The following GALNT17 variants were observed in gnomAD, a reference collection of about 807,000 sequenced individuals.
GALNT17 encodes the protein UDP-GalNAc:polypeptide N-acetylgalactosaminyltransferase-like 3.
A neutral mutation model predicts 63.7 loss-of-function variants in GALNT17; 29 were observed. The ratio of observed to expected loss-of-function variants is 0.46; its 90% confidence interval spans 0.34 to 0.62. The LOEUF is 0.62. Ranked by LOEUF, GALNT17 falls within the 20% of genes least tolerant of loss-of-function variation. The pLI is 0.01. For synonymous variants in GALNT17, 305 were observed against 318.3 expected (o/e 0.96, Z 0.45); for missense variants, 603 against 799.6 (o/e 0.75, Z 2.97).
chr7:71,547,389 A>G (rs932257828), intron 5 of GALNT17, among the ~76,000 whole-genome samples: 1 of 151,992 alleles, frequency 6.6e-6, no homozygotes, highest in Non-Finnish European at 1.5e-5. Context: ...TCCTGACCTC[A>G]GTGATCTGCC....
chr7:71,246,940 T>C (rs1162428416), intron 1 of GALNT17, among the ~76,000 whole-genome samples: 3 of 133,362 alleles, frequency 2.2e-5, no homozygotes, highest in Non-Finnish European at 4.8e-5. Flanking sequence ...TACAATTGAC[T>C]TTTTGGGGGG....
intron 1 of GALNT17, among the ~76,000 whole-genome samples, chr7:71,155,007 C>T (rs1289894601): frequency 6.6e-6 from 1 of 151,838 alleles, no homozygotes; most frequent in East Asian, 1.9e-4. Context: ...ACTGTGATAA[C>T]AGCCTGACTA....
chr7:71,361,956 CTTTTTATTTTTAT>C lies in GALNT17; in HGVS notation c.422+26229_422+26241del, dbSNP rs1449573440. Among the ~76,000 whole-genome samples, 24 of 152,050 alleles carry C rather than the reference CTTTTTATTTTTAT, an allele frequency of 1.6e-4. No homozygotes were observed. The South Asian group carries it at 5.0e-3, about 32-fold the overall frequency. On this transcript the variant is annotated intron_variant, in intron 2 of 10. Transcript: ENST00000333538. ...GTTCTTTTCCTGTATGAGATTTTTA[CTTTTTATTTTTAT>C]TTTTTGAGATGGAGTCTCCCTCAGT...
intron 9 of GALNT17, among the ~76,000 whole-genome samples, chr7:71,680,923 A>AG (rs756548147): frequency 7.1e-6 from 1 of 140,914 alleles, no homozygotes; most frequent in East Asian, 2.1e-4. Flanking sequence ...TTTAAGAGAT[A>AG]GGGTCTTGCT....
At chr7:71,435,199 G>A (rs757499518) in intron 5 of GALNT17, among the ~76,000 whole-genome samples, 8 of 152,212 alleles carry the variant, frequency 5.3e-5, no homozygotes, top group Non-Finnish European at 8.8e-5. Context: ...GTGGTGGTGC[G>A]TGCCTGAAAC....
chr7:71,178,495 C>T (rs1022601598), intron 1 of GALNT17, among the ~76,000 whole-genome samples: 22 of 152,246 alleles, frequency 1.4e-4, no homozygotes, highest in Non-Finnish European at 2.6e-4. Context: ...TTCTCTCTCT[C>T]CTTTCCTCTG....
intron 1 of GALNT17, among the ~76,000 whole-genome samples, chr7:71,214,021 A>T (rs1789429472): frequency 6.6e-6 from 1 of 152,140 alleles, no homozygotes. Context: ...TTTCCTTCTT[A>T]ATAGTTCTGT....
At chr7:71,183,804 C>T (rs557291373) in intron 1 of GALNT17, among the ~76,000 whole-genome samples, 2 of 152,014 alleles carry the variant, frequency 1.3e-5, no homozygotes, top group East Asian at 3.9e-4. Context: ...GCAGGAGAAT[C>T]GCGTGAACCC....
At chr7:71,691,890 T>TCCTC (rs1312328915) in intron 9 of GALNT17, among the ~76,000 whole-genome samples, 1 of 150,730 alleles carries the variant, frequency 6.6e-6, no homozygotes, top group East Asian at 2.0e-4. Flanking sequence ...CTTCCTTTCT[T>TCCTC]CCTTCCTTTC....
Position 71,185,424 on chromosome 7 carries a change from C to T in GALNT17, c.238+52384C>T, listed in dbSNP as rs561324958. Among the ~76,000 whole-genome samples, 6 of 151,742 alleles carry T rather than the reference C, an allele frequency of 4.0e-5. No individual in the cohort carries two copies. In the East Asian group the frequency reaches 1.2e-3, roughly 30 times the overall value. On this transcript the variant is annotated intron_variant, in intron 1 of 10. Transcript: ENST00000333538. Reference sequence around the variant, plus strand: ...TGTTGGTCAGGCAGGTCTTGAACTCCTGGGTCCAAGAAATCCTCCTGCCTT... The same window carrying T: ...TGTTGGTCAGGCAGGTCTTGAACTCTTGGGTCCAAGAAATCCTCCTGCCTT...
chr7:71,202,097 C>T (rs774455591), intron 1 of GALNT17, among the ~76,000 whole-genome samples: 2 of 152,090 alleles, frequency 1.3e-5, no homozygotes, highest in Non-Finnish European at 2.9e-5. Context: ...TTATTCATTC[C>T]TTTCCCCCAA....
chr7:71,362,988 G>T (rs1450345028), intron 2 of GALNT17, among the ~76,000 whole-genome samples: 5 of 150,470 alleles, frequency 3.3e-5, no homozygotes, highest in African/African-American at 9.8e-5. Context: ...TTTTTTTGAG[G>T]CAGAGTCTCA....
intron 1 of GALNT17, among the ~76,000 whole-genome samples, chr7:71,256,037 C>T (rs1790283243): frequency 6.6e-6 from 1 of 152,184 alleles, no homozygotes; most frequent in African/African-American, 2.4e-5. Flanking sequence ...TCTATTCTCC[C>T]TGAAGCCTGC....
Position 71,562,967 on chromosome 7 carries a change from C to A in GALNT17, c.963-8318C>A, listed in dbSNP as rs117435330. 4.1e-3 allele frequency among the ~76,000 whole-genome samples: 623 copies of A among 152,276 alleles called. 5 individuals are homozygous for A. Among genetic ancestry groups the A allele is most frequent in the Middle Eastern group, 0.01 (3 of 294 alleles). On this transcript the variant is annotated intron_variant, in intron 5 of 10. Transcript: ENST00000333538. ...CTTTTTCACCTATGAAAAGAAAACA[C>A]AATGAGCTCAAGAAAGCTGTATATG...
intron 1 of GALNT17, among the ~76,000 whole-genome samples, chr7:71,240,350 G>A (rs751034924): frequency 1.7e-4 from 26 of 152,310 alleles, no homozygotes; most frequent in Non-Finnish European, 3.4e-4. Flanking sequence ...TGATGCTGAG[G>A]TTTGGGCTTC....
At chr7:71,674,848 C>CATCTCCTCTTAGCAGTT (rs1401812253) in intron 8 of GALNT17, among the ~76,000 whole-genome samples, 5 of 152,148 alleles carry the variant, frequency 3.3e-5, no homozygotes, top group Non-Finnish European at 5.9e-5. Context: ...GGGAAGGAGT[C>CATCTCCTCTTAGCAGTT]ATCTCCTCTT....
intron 1 of GALNT17, among the ~76,000 whole-genome samples, chr7:71,300,019 C>G (rs1053405387): frequency 6.6e-6 from 1 of 152,086 alleles, no homozygotes; most frequent in African/African-American, 2.4e-5. Context: ...CTCAGGTGAT[C>G]CACCCACCTT....
chr7:71,669,998 C>A lies in GALNT17; in HGVS notation c.1293C>A (p.Val431=), dbSNP rs35612272. ...ATCCGGGAATTGACATCGGTGATGT[C>A]TCCGAAAGAAGAGCATTAAGGAAAA... ...LENPGIDIGD[V]SERRALRKSL... Residue 431 remains valine, a synonymous_variant, in exon 8 of 11, where the codon GTC becomes GTA. Coordinates refer to ENST00000333538, the MANE Select transcript of GALNT17 (RefSeq NM_022479.3). 62,505 of 1,614,032 alleles carry A rather than the reference C, an allele frequency of 0.039. 1,417 individuals carry two copies. The highest frequency in any genetic ancestry group is 0.049 in the Middle Eastern group (298 of 6,062).
At chr7:71,405,935 C>T (rs558113857) in intron 3 of GALNT17, among the ~76,000 whole-genome samples, 3 of 152,250 alleles carry the variant, frequency 2.0e-5, no homozygotes, top group Admixed American at 6.5e-5. Context: ...TGGGGTCGAT[C>T]GTGCCTTTAC....
Sources: allele counts gnomAD v4.1 joint callset (sites outside exome capture counted in the v4.1 genomes callset), GRCh38; gene constraint gnomAD v4.1.1; transcripts MANE v1.5; gene names NCBI Gene and HGNC (gene_info 2026-07-23, HGNC 2026-07-21).